DOCK10: variants seen among roughly 807,000 people sequenced by gnomAD.
DOCK10 encodes dedicator of cytokinesis protein 10.
Under a neutral mutation model 280.1 loss-of-function variants are expected in DOCK10, and 145 were observed. The observed-to-expected ratio is 0.52, with a 90% CI of 0.45 to 0.59. The LOEUF is 0.59. DOCK10 is among the 20% of genes least tolerant of loss of function. The pLI is 0.00. For synonymous variants in DOCK10, 915 were observed against 942.2 expected, an observed-to-expected ratio of 0.97 and a Z score of 0.53; for missense variants, 2,368 against 2,651.7, an observed-to-expected ratio of 0.89 and a Z score of 2.35.
At chr2:224,917,320 T>C (rs537692693) in intron 2 of DOCK10, among the ~76,000 whole-genome samples, 1 of 152,250 alleles carries the variant, frequency 6.6e-6, no homozygotes, top group East Asian at 1.9e-4. Context: ...TTGGCCAGGC[T>C]GGTCCTGAAC....
At chr2:224,844,089 T>G (rs574002155) in intron 22 of DOCK10, among the ~76,000 whole-genome samples, 1 of 152,324 alleles carries the variant, frequency 6.6e-6, no homozygotes, top group East Asian at 1.9e-4. Flanking sequence ...CATTGGGGAT[T>G]GGACTTGGTT....
intron 9 of DOCK10, 25 bp downstream of exon 9, chr2:224,874,641 G>T (rs1246861075): frequency 5.0e-6 from 8 of 1,597,518 alleles, no homozygotes; most frequent in East Asian, 4.5e-5. Context: ...AATTGGTTTT[G>T]CAAGTACAAT....
rs763125864 is a variant in DOCK10 at position 224,796,389 on chromosome 2, C to G, written c.4865G>C (p.Gly1622Ala). 6.4e-7 allele frequency: 1 copy of G among 1,570,616 alleles called. No homozygotes were observed. ...ATGTTGAAACCGAGAGCCTCCAATC[C>G]CAGCATCGGCTATTAACTGGCTCAC... ...KAVSQLIADA[G>A]IGGSRFQHSL... The change falls in exon 44 of 56, where the codon GGG becomes GCG. Residue 1622 changes from glycine to alanine, a missense_variant. Gly to Ala is a moderately conservative substitution (Grantham distance 60). This residue lies in a region of DOCK10 where 1,159 missense variants were observed against 1,400.8 expected (regional missense o/e 0.83). Coordinates refer to ENST00000258390, the MANE Select transcript of DOCK10 (RefSeq NM_014689.3).
At chr2:224,772,191 G>C (rs960645465) in intron 53 of DOCK10, among the ~76,000 whole-genome samples, 1 of 152,122 alleles carries the variant, frequency 6.6e-6, no homozygotes, top group African/African-American at 2.4e-5. Context: ...AAAGTGTTGG[G>C]ATTACAGGCA....
intron 31 of DOCK10, among the ~76,000 whole-genome samples, chr2:224,813,444 C>T (rs1693917184): frequency 6.6e-6 from 1 of 152,188 alleles, no homozygotes. Flanking sequence ...GATCTGCCTG[C>T]CTCGGCCTCC....
intron 1 of DOCK10, chr2:224,982,543 A>T (rs891038985): frequency 1.6e-6 from 2 of 1,218,276 alleles, no homozygotes; most frequent in Non-Finnish European, 2.0e-6. Flanking sequence ...CAGAGATGGG[A>T]AAGATTTGAT....
rs776831786 is a variant in DOCK10 at position 224,774,916 on chromosome 2, G to A, written c.6002C>T (p.Thr2001Met). The A allele has an allele frequency of 1.4e-5, 23 of 1,593,240 alleles. No individual in the cohort carries two copies. Among genetic ancestry groups the A allele is most frequent in the African/African-American group, 1.2e-4 (9 of 74,566 alleles). The change falls in exon 52 of 56, where the codon ACG (threonine) becomes ATG (methionine). Residue 2001 changes from threonine to methionine, a missense_variant. Physicochemically the swap from Thr to Met is moderately conservative, Grantham distance 81. This residue lies in a region of DOCK10 where 1,159 missense variants were observed against 1,400.8 expected (regional missense o/e 0.83). Coordinates refer to ENST00000258390, the MANE Select transcript of DOCK10 (RefSeq NM_014689.3). ...GGVAEQCKRR[T>M]ILTTSHLFPY... ...CTACCTGCACCTACTTGTCAGGATC[G>A]TCCGCCGCTTGCACTGCTCCGCCAC...
At chr2:224,965,697 A>G (rs1402692252) in intron 1 of DOCK10, among the ~76,000 whole-genome samples, 3 of 152,240 alleles carry the variant, frequency 2.0e-5, no homozygotes, top group Non-Finnish European at 4.4e-5. Context: ...CAGGTGCTCC[A>G]TAATTATTAA....
At chr2:224,801,818 C>G (rs1486853221) in intron 40 of DOCK10, 98 bp downstream of exon 40, 2 of 1,301,070 alleles carry the variant, frequency 1.5e-6, no homozygotes, top group Non-Finnish European at 2.2e-6. Flanking sequence ...AGAGGTACAG[C>G]AAACCTTAAA....
intron 4 of DOCK10, among the ~76,000 whole-genome samples, chr2:224,889,159 G>C (rs1699509268): frequency 1.3e-5 from 2 of 152,188 alleles, no homozygotes; most frequent in Non-Finnish European, 2.9e-5. Context: ...AAGTGCATTT[G>C]GTATTCACAT....
chr2:224,895,824 TGTGTGTGC>T (rs1332825595), intron 4 of DOCK10, among the ~76,000 whole-genome samples: 11 of 93,524 alleles, frequency 1.2e-4, no homozygotes, highest in African/African-American at 4.7e-4. Flanking sequence ...TGTGTGTGTG[TGTGTGTGC>T]GTGTGTGTGT....
intron 3 of DOCK10, among the ~76,000 whole-genome samples, chr2:224,914,817 T>C (rs1310286769): frequency 2.0e-5 from 3 of 152,108 alleles, no homozygotes; most frequent in Non-Finnish European, 4.4e-5. Context: ...ATATACTTAT[T>C]AGAAAAGAAG....
intron 1 of DOCK10, among the ~76,000 whole-genome samples, chr2:224,932,738 T>A (rs917150136): frequency 6.6e-6 from 1 of 152,190 alleles, no homozygotes; most frequent in African/African-American, 2.4e-5. Flanking sequence ...CACTCACACA[T>A]GCCACCCTTC....
At chr2:224,937,397 A>G (rs1702751952) in intron 1 of DOCK10, among the ~76,000 whole-genome samples, 1 of 152,174 alleles carries the variant, frequency 6.6e-6, no homozygotes, top group African/African-American at 2.4e-5. Flanking sequence ...GATGATTGAA[A>G]ATTACCCTAC....
chr2:224,879,158 T>C (rs1171892547), intron 7 of DOCK10, among the ~76,000 whole-genome samples: 1 of 152,154 alleles, frequency 6.6e-6, no homozygotes, highest in East Asian at 1.9e-4. Context: ...GTAAACAAAG[T>C]GGAGGGTACT....
At chr2:224,817,585 T>C (rs1694211545) in intron 29 of DOCK10, among the ~76,000 whole-genome samples, 1 of 152,244 alleles carries the variant, frequency 6.6e-6, no homozygotes, top group South Asian at 2.1e-4. Flanking sequence ...AGGAGCATTA[T>C]TAAATTATAT....
At chr2:224,858,395 A>T (rs1455117535) in intron 14 of DOCK10, among the ~76,000 whole-genome samples, 1 of 151,970 alleles carries the variant, frequency 6.6e-6, no homozygotes, top group East Asian at 1.9e-4. Context: ...GCGGTGGCTC[A>T]CGCCTGTAAT....
chr2:224,943,837 C>T (rs956878524), intron 1 of DOCK10, among the ~76,000 whole-genome samples: 2 of 147,886 alleles, frequency 1.4e-5, no homozygotes, highest in African/African-American at 5.0e-5. Flanking sequence ...GATCTCGGCT[C>T]ACTGCAACCT....
At chr2:224,867,101 C>G (rs1559605025) in intron 11 of DOCK10, among the ~76,000 whole-genome samples, 1 of 151,658 alleles carries the variant, frequency 6.6e-6, no homozygotes, top group Non-Finnish European at 1.5e-5. Flanking sequence ...CACACACACA[C>G]ACACACAAAA....
Sources: allele counts gnomAD v4.1 joint callset (sites outside exome capture counted in the v4.1 genomes callset), GRCh38; gene constraint gnomAD v4.1.1; regional missense constraint gnomAD v4.1.1; transcripts MANE v1.5; gene names NCBI Gene and HGNC (gene_info 2026-07-23, HGNC 2026-07-21).